RAP2A: variants seen among roughly 807,000 people sequenced by gnomAD.
The protein encoded by RAP2A is RAP2A, member of RAS oncogene family.
In RAP2A, 5 loss-of-function variants were observed where a neutral mutation model predicts 15.1. The observed-to-expected ratio is 0.33, with a 90% CI of 0.17 to 0.70. RAP2A has a LOEUF of 0.70. RAP2A is among the 30% of genes least tolerant of loss of function. RAP2A has a pLI of 0.68. For synonymous variants in RAP2A, 110 were observed against 99.7 expected (o/e 1.10, Z -0.62); for missense variants, 111 against 240.3 (o/e 0.46, Z 3.56).
intron 1 of RAP2A, among the ~76,000 whole-genome samples, chr13:97,445,514 A>G (rs1022728355): frequency 1.3e-5 from 2 of 152,232 alleles, no homozygotes; most frequent in Non-Finnish European, 2.9e-5. Flanking sequence ...GTTTATGCAT[A>G]ATACCAATGA....
At chr13:97,457,436 C>T (rs2066727741) in intron 1 of RAP2A, among the ~76,000 whole-genome samples, 1 of 151,762 alleles carries the variant, frequency 6.6e-6, no homozygotes, top group African/African-American at 2.4e-5. Context: ...GGAATGCTAC[C>T]TAGCCATTAA....
At chr13:97,436,629 T>C (rs1198751559) in intron 1 of RAP2A, among the ~76,000 whole-genome samples, 1 of 152,214 alleles carries the variant, frequency 6.6e-6, no homozygotes, top group Non-Finnish European at 1.5e-5. Flanking sequence ...TGTAATTTAG[T>C]GCAGATTACT....
intron 1 of RAP2A, among the ~76,000 whole-genome samples, chr13:97,441,381 C>T (rs2066656963): frequency 6.6e-6 from 1 of 152,102 alleles, no homozygotes; most frequent in Non-Finnish European, 1.5e-5. Context: ...CTGGATTTCA[C>T]AGCCAACAGG....
At chr13:97,436,458 G>C (rs2066634873) in intron 1 of RAP2A, among the ~76,000 whole-genome samples, 1 of 152,042 alleles carries the variant, frequency 6.6e-6, no homozygotes, top group Admixed American at 6.6e-5. Context: ...TGCCCCAACA[G>C]CCTCACCCTT....
rs1447720645 is a variant in RAP2A, at chr13:97,441,643, C to T, written c.314+6859C>T. ...TTTAGTCATTGTCTTTAGAACCTTA[C>T]TGCCTAGGGGAGCATGTATGCCTTA... On this transcript the variant is annotated intron_variant, in intron 1 of 1. Transcript: ENST00000245304. 1.0e-5 allele frequency: 3 copies of T among 289,758 alleles called. No individual in the cohort carries two copies. The Admixed American group carries it at 1.5e-4, about 14-fold the overall frequency. The allele number at this position is 289,758 out of a possible 1,614,324, so 17.9% of individuals were successfully genotyped here.
At chr13:97,434,856 C>A in intron 1 of RAP2A, 72 bp downstream of exon 1, 2 of 1,569,796 alleles carry the variant, frequency 1.3e-6, no homozygotes, top group South Asian at 1.2e-5. Flanking sequence ...ACTCCCCGCG[C>A]GGGGCTCCGG....
intron 1 of RAP2A, among the ~76,000 whole-genome samples, chr13:97,462,971 T>A (rs2066754265): frequency 1.3e-5 from 2 of 151,536 alleles, no homozygotes; most frequent in African/African-American, 2.4e-5. Flanking sequence ...CTATGCATCC[T>A]GCCTCAAAGG....
At chr13:97,443,821 A>G (rs1038554524) in intron 1 of RAP2A, among the ~76,000 whole-genome samples, 9 of 152,244 alleles carry the variant, frequency 5.9e-5, no homozygotes, top group African/African-American at 2.2e-4. Context: ...TAATCTCATT[A>G]AAGCTGAGAT....
chr13:97,461,880 G>A (rs2066747491), intron 1 of RAP2A, among the ~76,000 whole-genome samples: 1 of 150,788 alleles, frequency 6.6e-6, no homozygotes, highest in South Asian at 2.1e-4. Context: ...AGAGAATGGC[G>A]TGAACCCGGG....
chr13:97,463,714 C>T (rs933811031), intron 1 of RAP2A, among the ~76,000 whole-genome samples: 2 of 152,134 alleles, frequency 1.3e-5, no homozygotes, highest in African/African-American at 4.8e-5. Context: ...CTCAGCCTCC[C>T]GAGTAGCTGG....
rs116505702 is a variant in RAP2A at position 97,446,114 on chromosome 13, C to G, written c.314+11330C>G. On this transcript the variant is annotated intron_variant, in intron 1 of 1. Transcript: ENST00000245304. ...ATTGCTTCAATCTATTCCCTTTTCT[C>G]CAAAGGTGACTGTATGTCTCTTTTA... Among the ~76,000 whole-genome samples, 633 of 152,268 alleles carry G rather than the reference C, an allele frequency of 4.2e-3. 6 individuals carry two copies. The highest frequency in any genetic ancestry group is 0.015 in the African/African-American group (614 of 41,562).
chr13:97,444,445 T>C (rs781233705), intron 1 of RAP2A, among the ~76,000 whole-genome samples: 3 of 152,210 alleles, frequency 2.0e-5, no homozygotes, highest in Admixed American at 6.5e-5. Context: ...TAACAGTCTT[T>C]ATGGCTAGTT....
At chr13:97,459,020 GTGTT>G (rs944599209) in intron 1 of RAP2A, among the ~76,000 whole-genome samples, 6 of 152,024 alleles carry the variant, frequency 3.9e-5, no homozygotes, top group African/African-American at 1.4e-4. Flanking sequence ...CAATAAAAAA[GTGTT>G]TGTCCACAGA....
intron 1 of RAP2A, among the ~76,000 whole-genome samples, chr13:97,451,493 T>C (rs552357650): frequency 6.6e-6 from 1 of 152,308 alleles, no homozygotes; most frequent in East Asian, 1.9e-4. Context: ...TGTTGTTGCA[T>C]GGACCAGTAG....
In RAP2A at chr13:97,434,627, C is replaced by T. The variant is rs1234947731; in HGVS notation, c.157C>T (p.Leu53=). 8 of 1,614,160 alleles carry T rather than the reference C, an allele frequency of 5.0e-6. No homozygotes were observed. The highest frequency in any genetic ancestry group is 5.9e-6 in the Non-Finnish European group (7 of 1,180,018). Residue 53 remains leucine (L), a synonymous_variant, in exon 1 of 2, where the codon CTG becomes TTG. Transcript: ENST00000245304. The part of the protein sequence containing the change: ...EIEVDSSPSV[L]EILDTAGTEQ... ...CGAGGTGGATTCGTCGCCGTCGGTG[C>T]TGGAGATCCTGGACACGGCGGGCAC...
chr13:97,459,168 G>A (rs1196945977), intron 1 of RAP2A, among the ~76,000 whole-genome samples: 1 of 152,032 alleles, frequency 6.6e-6, no homozygotes, highest in African/African-American at 2.4e-5. Context: ...AAGCAAGGTG[G>A]TATCTTACTC....
chr13:97,436,333 T>C (rs1299614089), intron 1 of RAP2A, among the ~76,000 whole-genome samples: 1 of 151,966 alleles, frequency 6.6e-6, no homozygotes, highest in Non-Finnish European at 1.5e-5. Flanking sequence ...TATTACCCCC[T>C]CCCCCAACCA....
In RAP2A at chr13:97,439,467, G is replaced by A. The variant is rs1338760460; in HGVS notation, c.314+4683G>A. On this transcript the variant is annotated intron_variant, in intron 1 of 1. Transcript: ENST00000245304. ...GAAGTAATCAAACTCAGTGGTAGAG[G>A]AAGAGGAAAAGGTCAGAAGTAACCT... Among the ~76,000 whole-genome samples, 3 of 152,116 alleles carry A rather than the reference G, an allele frequency of 2.0e-5. No homozygotes were observed. The East Asian group carries it at 5.8e-4, about 29-fold the overall frequency.
At position 97,464,498 on chromosome 13, in the gene RAP2A, A is replaced by G; in HGVS notation, c.*56A>G. The G allele has an allele frequency of 3.3e-6, 5 of 1,495,804 alleles. No individual in the cohort carries two copies. The highest frequency in any genetic ancestry group is 4.6e-6 in the Non-Finnish European group (5 of 1,076,516). The allele number at this position is 1,495,804 out of a possible 1,614,324, so 92.7% of individuals were successfully genotyped here. ...TGCCCAATGTCGTAGGTGATAGAAA[A>G]CTCGCCTACTCCACTGCAGAACTTG... On this transcript the variant is annotated 3_prime_UTR_variant, in exon 2 of 2. Transcript: ENST00000245304.
Sources: gnomAD v4.1 joint callset for allele counts (sites outside exome capture counted in the v4.1 genomes callset) on GRCh38, gnomAD v4.1.1 for gene constraint, MANE v1.5 for transcripts, NCBI Gene and HGNC (gene_info 2026-07-23, HGNC 2026-07-21) for gene names.